Variants in SCN1A observed in about 807,000 individuals in gnomAD.
SCN1A encodes the protein sodium channel protein type 1 subunit alpha.
Under a neutral mutation model 193.7 loss-of-function variants are expected in SCN1A, and 13 were observed. The observed-to-expected ratio is 0.07, with a 90% CI of 0.04 to 0.11. SCN1A has a LOEUF of 0.11. Ranked by LOEUF, SCN1A falls within the 10% of genes least tolerant of loss-of-function variation. SCN1A has a pLI of 1.00. For missense variants in SCN1A, 1,432 were observed against 2,451.1 expected, an observed-to-expected ratio of 0.58 and a Z score of 8.78; for synonymous variants, 781 against 843.6, an observed-to-expected ratio of 0.93 and a Z score of 1.29.
Position 166,045,118 on chromosome 2 carries a change from G to A in SCN1A, c.1587C>T (p.Ile529=). The change falls in exon 13 of 29, where the codon ATC becomes ATT. Residue 529 remains isoleucine, a synonymous_variant. Coordinates refer to ENST00000674923, the MANE Select transcript of SCN1A (RefSeq NM_001165963.4). ...TGGAGAAGCGAAAACCTTTCCTCCT[G>A]ATGCTGTCCTCAGATTCAGATTTTT... ...EFQKSESEDS[I]RRKGFRFSIE... is the part of the protein sequence containing the mutation. 3 of 1,614,146 alleles carry A rather than the reference G, an allele frequency of 1.9e-6. No homozygotes were observed. The highest frequency in any genetic ancestry group is 2.5e-6 in the Non-Finnish European group (3 of 1,180,006).
In SCN1A at chr2:166,042,522, A is replaced by C. The variant is rs1458804134; in HGVS notation, c.2044-98T>G. On this transcript the variant is annotated intron_variant, in intron 14 of 28. Coordinates refer to ENST00000674923, the MANE Select transcript of SCN1A (RefSeq NM_001165963.4). ...ACAGTGAATTTCATGAAACACATGC[A>C]TCATGCACTTTCATATTCAATTGGT... 2.7e-6 allele frequency: 3 copies of C among 1,097,158 alleles called. No individual in the cohort carries two copies. The African/African-American group carries it at 4.6e-5, about 17-fold the overall frequency. The allele number at this position is 1,097,158 out of a possible 1,614,324, so 68.0% of individuals were successfully genotyped here.
rs6750294 is a variant in SCN1A, at chr2:166,051,603, T to A, written c.964+116A>T. ...GAGATGTTTTGATACAGGCCTGCAA[T>A]GTGTGCTAATCACATCATGTAAAAT... On this transcript the variant is annotated intron_variant, in intron 9 of 28. Coordinates refer to ENST00000674923, the MANE Select transcript of SCN1A (RefSeq NM_001165963.4). 125,482 of 742,592 alleles carry A rather than the reference T, an allele frequency of 0.17. 12,282 individuals are homozygous for A. Among genetic ancestry groups the A allele is most frequent in the East Asian group, 0.34 (12,308 of 36,162 alleles). The allele number at this position is 742,592 out of a possible 1,614,324, so 46.0% of individuals were successfully genotyped here.
chr2:166,105,958 C>T (rs1453260662), intron 2 of SCN1A, among the ~76,000 whole-genome samples: 2 of 152,108 alleles, frequency 1.3e-5, no homozygotes, highest in African/African-American at 4.8e-5. Flanking sequence ...GAGGCCGAGG[C>T]GGGTGGATCA....
intron 1 of SCN1A, among the ~76,000 whole-genome samples, chr2:166,146,204 C>G (rs1405401323): frequency 6.6e-6 from 1 of 152,106 alleles, no homozygotes; most frequent in Non-Finnish European, 1.5e-5. Flanking sequence ...TGGACTTCCA[C>G]TGACTGTGGT....
intron 28 of SCN1A, 83 bp downstream of exon 28, chr2:165,994,063 C>T: frequency 9.1e-7 from 1 of 1,103,526 alleles, no homozygotes; most frequent in East Asian, 2.6e-5. Context: ...TCTCTGATTG[C>T]TGGGATGATC....
rs201409831 is a variant in SCN1A at position 166,105,636 on chromosome 2, AAC to A, written c.-142+21286_-142+21287del. Among the ~76,000 whole-genome samples the A allele has an allele frequency of 6.0e-3, 919 of 152,354 alleles. 8 individuals are homozygous for A. The highest frequency in any genetic ancestry group is 0.051 in the Middle Eastern group (15 of 294). On this transcript the variant is annotated intron_variant, in intron 2 of 28. Coordinates refer to ENST00000674923, the MANE Select transcript of SCN1A (RefSeq NM_001165963.4). ...AGCATTTGAATTAGAAATAGGATCA[AAC>A]ACACTTTTTTGAATGAATGCCTAAT... is the stretch of plus-strand genomic sequence containing the variant.
rs1688992168 is a variant in SCN1A at position 165,990,557 on chromosome 2, A to G, written c.*688T>C. Reference sequence around the variant, plus strand: ...TTGGTCTAGGGGCTGGATTTCGCAAAACAAGATCAACAAAGCACCTCCACT... The same window carrying G: ...TTGGTCTAGGGGCTGGATTTCGCAAGACAAGATCAACAAAGCACCTCCACT... On this transcript the variant is annotated 3_prime_UTR_variant, in exon 29 of 29. Transcript: ENST00000674923. 1 of 152,634 alleles carries G rather than the reference A, an allele frequency of 6.6e-6. No homozygotes were observed. The highest frequency in any genetic ancestry group is 6.6e-5 in the Admixed American group (1 of 15,258). The allele number at this position is 152,634 out of a possible 1,614,324, so 9.5% of individuals were successfully genotyped here. A position where few individuals can be genotyped will look rare whatever the true frequency, so the allele number is the denominator to read the frequency against.
intron 2 of SCN1A, among the ~76,000 whole-genome samples, chr2:166,108,208 A>C (rs938581382): frequency 6.6e-6 from 1 of 152,122 alleles, no homozygotes. Flanking sequence ...CAGATGCTCA[A>C]CATCATTAAT....
chr2:166,125,462 C>T lies in SCN1A; in HGVS notation c.-142+1462G>A, dbSNP rs2106268070. ...CTGTCAGGCTCACACCGACATAAAC[C>T]CTTGAGAAATGCCTGGTTGGTGACG... is the stretch of plus-strand genomic sequence containing the variant. On this transcript the variant is annotated intron_variant, in intron 2 of 28. Coordinates refer to ENST00000674923, the MANE Select transcript of SCN1A (RefSeq NM_001165963.4). 1.3e-5 allele frequency among the ~76,000 whole-genome samples: 2 copies of T among 152,302 alleles called. 1 individual carries two copies. Among genetic ancestry groups the T allele is most frequent in the Middle Eastern group, 6.8e-3 (2 of 294 alleles).
At chr2:166,096,580 T>C (rs1165321459) in intron 2 of SCN1A, among the ~76,000 whole-genome samples, 1 of 152,168 alleles carries the variant, frequency 6.6e-6, no homozygotes, top group Non-Finnish European at 1.5e-5. Flanking sequence ...GCGCCCAGCC[T>C]GAGAGATCAT....
chr2:166,009,916 G>C, intron 22 of SCN1A, 75 bp from the exon 23 acceptor site: 2 of 1,390,818 alleles, frequency 1.4e-6, no homozygotes, highest in Non-Finnish European at 1.0e-6. Context: ...AATACAACAA[G>C]TATAATTTTT....
intron 17 of SCN1A, among the ~76,000 whole-genome samples, chr2:166,039,143 TCTAGAAATATTAA>T (rs2105814573): frequency 6.6e-6 from 1 of 152,292 alleles, no homozygotes; most frequent in Admixed American, 6.5e-5. Context: ...TTTTCTTAGG[TCTAGAAATATTAA>T]CTGTAGTAGT....
chr2:166,132,162 C>T (rs553415452), upstream of SCN1A, among the ~76,000 whole-genome samples: 469 of 152,190 alleles, frequency 3.1e-3, 4 homozygotes, highest in African/African-American at 0.011. Context: ...CTGATGAAGT[C>T]GGGGAGTGAT....
intron 20 of SCN1A, among the ~76,000 whole-genome samples, chr2:166,015,247 G>T (rs768548650): frequency 6.6e-6 from 1 of 151,786 alleles, no homozygotes; most frequent in Non-Finnish European, 1.5e-5. Context: ...CTAGCAATCC[G>T]TTTAGTTTTA....
chr2:166,052,070 G>A (rs1230374753), intron 8 of SCN1A, 82 bp from the exon 9 acceptor site: 20 of 1,319,794 alleles, frequency 1.5e-5, no homozygotes, highest in Non-Finnish European at 2.1e-5. Flanking sequence ...TGAAAACATA[G>A]ATTTCATTCA....
At chr2:166,125,896 C>G (rs1691195053) in intron 2 of SCN1A, among the ~76,000 whole-genome samples, 2 of 152,118 alleles carry the variant, frequency 1.3e-5, no homozygotes, top group African/African-American at 4.8e-5. Context: ...GCATGTAAAC[C>G]AAGTCTATTA....
chr2:166,042,155 T>C (rs1485333978), intron 15 of SCN1A, 137 bp downstream of exon 15: 1 of 802,886 alleles, frequency 1.2e-6, no homozygotes, highest in South Asian at 1.8e-5. Context: ...TGAGTAGATA[T>C]AAGAAATAAC....
intron 2 of SCN1A, among the ~76,000 whole-genome samples, chr2:166,116,203 G>A (rs1320947157): frequency 6.6e-6 from 1 of 152,210 alleles, no homozygotes; most frequent in African/African-American, 2.4e-5. Context: ...AAGGTCACTG[G>A]TGGTAGTATG....
chr2:166,009,504 T>C (rs1285580713), intron 23 of SCN1A: 1 of 334,508 alleles, frequency 3.0e-6, no homozygotes, highest in Non-Finnish European at 5.5e-6. Context: ...GTCATTTAAA[T>C]AAGCACAGCA....
Sources: gnomAD v4.1 joint callset for allele counts (sites outside exome capture counted in the v4.1 genomes callset) on GRCh38, gnomAD v4.1.1 for gene constraint, MANE v1.5 for transcripts, NCBI Gene and HGNC (gene_info 2026-07-23, HGNC 2026-07-21) for gene names.